SEPTIN6: variants seen among roughly 807,000 people sequenced by gnomAD.
SEPTIN6 encodes septin-6.
SEPTIN6 carries 8 observed loss-of-function variants against 33.6 expected under a neutral mutation model. That is an observed-to-expected ratio of 0.24 (90% CI 0.14 to 0.43). The LOEUF is 0.43. SEPTIN6 is among the 20% of genes least tolerant of loss of function. The probability of loss-of-function intolerance (pLI) is 1.00; values close to 1 mark genes in which losing one functional copy is unlikely to be tolerated. For missense variants in SEPTIN6, 250 were observed against 340.8 expected (o/e 0.73, Z 2.10); for synonymous variants, 131 against 140.0 (o/e 0.94, Z 0.45).
chrX:119,667,091 C>G (rs2054653787), intron 2 of SEPTIN6, among the ~76,000 whole-genome samples: 1 of 111,150 alleles, frequency 9.0e-6, no homozygotes, highest in Admixed American at 9.6e-5. Flanking sequence ...ACAGAACCAT[C>G]CTTACCCCCA....
chrX:119,678,739 T>A (rs966363964), intron 1 of SEPTIN6, among the ~76,000 whole-genome samples: 1 of 110,497 alleles, frequency 9.1e-6, no homozygotes, highest in Non-Finnish European at 1.9e-5. Flanking sequence ...TTACGGAGCC[T>A]CCGATGTAGC....
At chrX:119,674,754 T>A (rs777938185) in intron 2 of SEPTIN6, among the ~76,000 whole-genome samples, 2 of 112,167 alleles carry the variant, frequency 1.8e-5, no homozygotes, top group African/African-American at 6.5e-5. Context: ...AGAGTCCTGG[T>A]AATGTCCAAA....
At chrX:119,633,243 C>T in intron 8 of SEPTIN6, 117 bp downstream of exon 8, 1 of 699,095 alleles carries the variant, frequency 1.4e-6, no homozygotes, top group Non-Finnish European at 2.1e-6. Context: ...CTGTCTTCCA[C>T]AGTGGTTGAA....
At chrX:119,665,644 A>G (rs948745385) in intron 2 of SEPTIN6, among the ~76,000 whole-genome samples, 3 of 111,256 alleles carry the variant, frequency 2.7e-5, no homozygotes, top group Non-Finnish European at 5.7e-5. Flanking sequence ...ACAAGAAGTC[A>G]GGAGTTGGTG....
chrX:119,676,892 C>T (rs1057343301), intron 1 of SEPTIN6, among the ~76,000 whole-genome samples: 1 of 112,162 alleles, frequency 8.9e-6, no homozygotes, highest in Admixed American at 9.5e-5. Flanking sequence ...GCCCCATCTC[C>T]ACCATCTCCT....
intron 1 of SEPTIN6, among the ~76,000 whole-genome samples, chrX:119,686,157 C>T (rs1014020557): frequency 2.7e-5 from 3 of 112,188 alleles, no homozygotes; most frequent in Non-Finnish European, 5.6e-5. Context: ...ACCCACAGGC[C>T]TCTGGGTGAA....
chrX:119,670,569 AAAAAAAAAAAG>A (rs2054726688), intron 2 of SEPTIN6, among the ~76,000 whole-genome samples: 1 of 100,079 alleles, frequency 1.0e-5, no homozygotes, highest in African/African-American at 3.7e-5. Flanking sequence ...TCAAAAAAAA[AAAAAAAAAAAG>A]AAGAAGAAGA....
intron 1 of SEPTIN6, among the ~76,000 whole-genome samples, chrX:119,680,302 G>A (rs2054931170): frequency 9.2e-6 from 1 of 108,522 alleles, no homozygotes. Context: ...CTCGGCCCAT[G>A]GGTTCAAGCG....
At chrX:119,641,034 A>G (rs1212950116) in intron 5 of SEPTIN6, among the ~76,000 whole-genome samples, 1 of 112,617 alleles carries the variant, frequency 8.9e-6, no homozygotes, top group East Asian at 2.8e-4. Context: ...CATAGGGAAC[A>G]AAGAGAGAAA....
chrX:119,651,093 C>CG (rs1290748191), intron 4 of SEPTIN6, among the ~76,000 whole-genome samples: 1 of 106,077 alleles, frequency 9.4e-6, no homozygotes, highest in Non-Finnish European at 1.9e-5. Context: ...TAGACTCCAA[C>CG]GGGGGGTGGG....
chrX:119,688,686 G>C (rs1230596992), intron 1 of SEPTIN6, among the ~76,000 whole-genome samples: 1 of 99,587 alleles, frequency 1.0e-5, no homozygotes, highest in Non-Finnish European at 2.0e-5. Flanking sequence ...CAGCCTGGGC[G>C]ACAGAACAAG....
intron 1 of SEPTIN6, among the ~76,000 whole-genome samples, chrX:119,691,097 G>A (rs1488302526): frequency 9.0e-6 from 1 of 111,539 alleles, no homozygotes; most frequent in African/African-American, 3.3e-5. Flanking sequence ...GGCAAGGCCA[G>A]CCAGAGCAAA....
Position 119,675,643 on chromosome X carries a change from AG to A in SEPTIN6, c.55del (p.Leu19TrpfsTer15). On this transcript the variant is annotated frameshift_variant, in exon 2 of 11. Coordinates refer to ENST00000394610, the MANE Select transcript of SEPTIN6 (RefSeq NM_145799.4). LOFTEE classifies it high-confidence loss of function. ...GCTGTCAAACCCCACATGTCCAGCCAGGGGGACAGTTCGGCAACCTTCACCC... is the reference window on the plus strand; with the variant it reads ...GCTGTCAAACCCCACATGTCCAGCCAGGGGACAGTTCGGCAACCTTCACCC... ...QVGEGCRTVP[L>X]AGHVGFDSLP... is the part of the protein sequence containing the mutation. The A allele has an allele frequency of 8.7e-7, 1 of 1,146,612 alleles. No homozygotes were observed. Among genetic ancestry groups the A allele is most frequent in the Non-Finnish European group, 1.2e-6 (1 of 858,121 alleles). 94.5% of individuals were successfully genotyped at this position (1,146,612 alleles called of 1,213,427 possible).
In SEPTIN6 at chrX:119,652,836, C is replaced by T. The variant is rs201447326; in HGVS notation, c.528+18G>A. 1.3e-4 allele frequency: 159 copies of T among 1,196,808 alleles called. No individual in the cohort carries two copies. In the South Asian group the frequency reaches 1.5e-3, roughly 11 times the overall value. Reference sequence around the variant, plus strand: ...AGTAAGAGTGAGCCCCCAGCGCCCCCGCCCCTGCCTCCTATACCTTACTGT... The same window carrying T: ...AGTAAGAGTGAGCCCCCAGCGCCCCTGCCCCTGCCTCCTATACCTTACTGT... On this transcript the variant is annotated intron_variant, in intron 4 of 10. Transcript: ENST00000394610.
intron 1 of SEPTIN6, among the ~76,000 whole-genome samples, chrX:119,680,012 T>A (rs2054921973): frequency 9.0e-6 from 1 of 111,388 alleles, no homozygotes; most frequent in Non-Finnish European, 1.9e-5. Flanking sequence ...GATGCCTGTT[T>A]AATGGGGACG....
chrX:119,672,200 G>C (rs762340585), intron 2 of SEPTIN6, among the ~76,000 whole-genome samples: 1 of 111,690 alleles, frequency 9.0e-6, no homozygotes, highest in Non-Finnish European at 1.9e-5. Context: ...CCTGAAACTT[G>C]ACAAGTGGGG....
intron 9 of SEPTIN6, among the ~76,000 whole-genome samples, chrX:119,628,221 C>G (rs2053889059): frequency 9.2e-6 from 1 of 108,963 alleles, no homozygotes; most frequent in African/African-American, 3.3e-5. Context: ...CTCCCGGGTT[C>G]AAGTGATTCT....
intron 10 of SEPTIN6, among the ~76,000 whole-genome samples, chrX:119,622,680 A>C (rs1446449097): frequency 1.8e-5 from 2 of 112,664 alleles, no homozygotes; most frequent in Non-Finnish European, 3.7e-5. Flanking sequence ...ACCTGTAAGC[A>C]ACTGTGTCAA....
chrX:119,686,811 G>C (rs2055064492), intron 1 of SEPTIN6, among the ~76,000 whole-genome samples: 1 of 111,880 alleles, frequency 8.9e-6, no homozygotes, highest in South Asian at 3.7e-4. Context: ...CCGTGACTGT[G>C]CTATATTGGA....
Sources: allele counts gnomAD v4.1 joint callset (sites outside exome capture counted in the v4.1 genomes callset), GRCh38; gene constraint gnomAD v4.1.1; transcripts MANE v1.5; gene names NCBI Gene and HGNC (gene_info 2026-07-23, HGNC 2026-07-21).